Variants in SGCZ observed in about 807,000 individuals in gnomAD.
SGCZ encodes the protein zeta-sarcoglycan.
In SGCZ, 40 loss-of-function variants were observed where a neutral mutation model predicts 41.3. The ratio of observed to expected loss-of-function variants is 0.97; its 90% CI spans 0.75 to 1.26. SGCZ has a LOEUF of 1.26. Among genes scored for constraint, SGCZ ranks in the 50% most tolerant of loss-of-function variants. SGCZ has a pLI of 0.00. For missense variants in SGCZ, 552 were observed against 369.8 expected (o/e 1.49, Z -4.04); for synonymous variants, 206 against 137.5 (o/e 1.50, Z -3.49).
chr8:14,414,200 A>G (rs1585477106), intron 2 of SGCZ, among the ~76,000 whole-genome samples: 1 of 151,998 alleles, frequency 6.6e-6, no homozygotes. Flanking sequence ...GCGCACACAC[A>G]CACACATACA....
intron 3 of SGCZ, among the ~76,000 whole-genome samples, chr8:14,267,220 T>C (rs1799903032): frequency 6.6e-6 from 1 of 152,062 alleles, no homozygotes; most frequent in Admixed American, 6.6e-5. Context: ...TACTGGGGTA[T>C]GTATATCCAT....
At chr8:14,592,297 A>G (rs1431455701) in intron 1 of SGCZ, among the ~76,000 whole-genome samples, 2 of 152,146 alleles carry the variant, frequency 1.3e-5, no homozygotes, top group Non-Finnish European at 2.9e-5. Context: ...ATAATGATAC[A>G]TTCTTCTGTA....
At chr8:14,758,446 T>G (rs1799756222) in intron 1 of SGCZ, among the ~76,000 whole-genome samples, 1 of 152,182 alleles carries the variant, frequency 6.6e-6, no homozygotes, top group African/African-American at 2.4e-5. Flanking sequence ...AATAATTTCC[T>G]GGCATAAGAC....
At chr8:14,567,110 C>T (rs1376898818) in intron 1 of SGCZ, among the ~76,000 whole-genome samples, 1 of 152,214 alleles carries the variant, frequency 6.6e-6, no homozygotes, top group Non-Finnish European at 1.5e-5. Context: ...GCCCGCCATG[C>T]CTGAGCCTCC....
intron 1 of SGCZ, among the ~76,000 whole-genome samples, chr8:14,624,472 G>A (rs368745246): frequency 8.7e-4 from 130 of 149,350 alleles, no homozygotes; most frequent in African/African-American, 3.0e-3. Context: ...ACCAAGAAGC[G>A]CAATAATTTT....
chr8:15,094,125 T>A (rs1301828877), intron 1 of SGCZ, among the ~76,000 whole-genome samples: 1 of 152,008 alleles, frequency 6.6e-6, no homozygotes, highest in Non-Finnish European at 1.5e-5. Context: ...TTTTATTTAT[T>A]TATGGTTTTT....
chr8:14,789,490 G>C (rs561756231), intron 1 of SGCZ, among the ~76,000 whole-genome samples: 2 of 152,258 alleles, frequency 1.3e-5, no homozygotes, highest in East Asian at 1.9e-4. Flanking sequence ...AAGATCAACT[G>C]TGTTAGTTTC....
intron 1 of SGCZ, among the ~76,000 whole-genome samples, chr8:15,092,433 T>C (rs576732280): frequency 6.6e-6 from 1 of 152,316 alleles, no homozygotes; most frequent in East Asian, 1.9e-4. Context: ...TTTGTATTTA[T>C]AGTAATTTGG....
At chr8:14,562,251 G>A (rs1005354256) in intron 1 of SGCZ, among the ~76,000 whole-genome samples, 40 of 152,064 alleles carry the variant, frequency 2.6e-4, no homozygotes, top group African/African-American at 8.9e-4. Flanking sequence ...TCAGGACTGG[G>A]AATAGTAGTT....
chr8:15,186,050 C>T (rs1031648191), intron 1 of SGCZ, among the ~76,000 whole-genome samples: 3 of 146,786 alleles, frequency 2.0e-5, no homozygotes, highest in African/African-American at 7.6e-5. Flanking sequence ...GGTGAAACCC[C>T]GTCTTTACTA....
At chr8:14,597,396 T>G (rs1009890937) in intron 1 of SGCZ, among the ~76,000 whole-genome samples, 2 of 152,342 alleles carry the variant, frequency 1.3e-5, no homozygotes, top group African/African-American at 4.8e-5. Flanking sequence ...TAAGATAATT[T>G]ATAAATAGAT....
intron 3 of SGCZ, among the ~76,000 whole-genome samples, chr8:14,246,693 G>C (rs902985231): frequency 2.6e-5 from 4 of 151,604 alleles, no homozygotes. Context: ...AGATCACGGG[G>C]TCAGGAGATC....
chr8:14,677,756 A>G (rs1011427342), intron 1 of SGCZ, among the ~76,000 whole-genome samples: 3 of 152,184 alleles, frequency 2.0e-5, no homozygotes, highest in East Asian at 3.9e-4. Context: ...GGGCAACAGA[A>G]TGAGACTCCG....
At chr8:14,935,068 T>A (rs1208058068) in intron 1 of SGCZ, among the ~76,000 whole-genome samples, 1 of 150,954 alleles carries the variant, frequency 6.6e-6, no homozygotes, top group Non-Finnish European at 1.5e-5. Flanking sequence ...TTCTAAAAAT[T>A]ACAATATAGC....
At chr8:14,474,360 T>C (rs7841037) in intron 2 of SGCZ, among the ~76,000 whole-genome samples, 13,876 of 152,272 alleles carry the variant, frequency 0.091, 1,289 homozygotes, top group African/African-American at 0.24. Context: ...ATTTTGGGTC[T>C]ATAGACTTCT....
intron 4 of SGCZ, among the ~76,000 whole-genome samples, chr8:14,165,698 C>T (rs903240127): frequency 6.6e-6 from 1 of 152,144 alleles, no homozygotes; most frequent in Non-Finnish European, 1.5e-5. Context: ...AAGTAGGAAT[C>T]ACACATGTGG....
At position 14,781,026 on chromosome 8, in the gene SGCZ, C is replaced by G. The variant is rs1488525506; in HGVS notation, c.40-226100G>C. Among the ~76,000 whole-genome samples, 6 of 152,226 alleles carry G rather than the reference C, an allele frequency of 3.9e-5. No individual in the cohort carries two copies. In the East Asian group the frequency reaches 9.7e-4, roughly 25 times the overall value. ...TTAGTTTAAACTAGCAGACTTTTGT[C>G]ATCATTCTATAAATATTTAGTATGG... On this transcript the variant is annotated intron_variant, in intron 1 of 7. Transcript: ENST00000382080.
intron 1 of SGCZ, among the ~76,000 whole-genome samples, chr8:14,584,864 A>G (rs75493171): frequency 0.016 from 2,416 of 152,198 alleles, 64 homozygotes; most frequent in African/African-American, 0.055. Flanking sequence ...ATTATTCCCA[A>G]TTTTGTAGAA....
At chr8:14,800,517 G>A (rs1396102927) in intron 1 of SGCZ, among the ~76,000 whole-genome samples, 4 of 152,148 alleles carry the variant, frequency 2.6e-5, no homozygotes, top group Non-Finnish European at 4.4e-5. Context: ...TAATTCACAG[G>A]TTTTGGAGGA....
Sources: gnomAD v4.1 joint callset for allele counts (sites outside exome capture counted in the v4.1 genomes callset) on GRCh38, gnomAD v4.1.1 for gene constraint, MANE v1.5 for transcripts, NCBI Gene and HGNC (gene_info 2026-07-23, HGNC 2026-07-21) for gene names.